The following JARID2 variants were observed in gnomAD, a reference collection of about 807,000 sequenced individuals.
The protein encoded by JARID2 is protein Jumonji.
Under a neutral mutation model 125.6 loss-of-function variants are expected in JARID2, and 21 were observed. The ratio of observed to expected loss-of-function variants is 0.17; its 90% CI spans 0.12 to 0.24. The LOEUF is 0.24. Among genes scored for constraint, JARID2 ranks in the 10% least tolerant of loss-of-function variants. The probability of loss-of-function intolerance (pLI) is 1.00; values close to 1 mark genes in which losing one functional copy is unlikely to be tolerated. For synonymous variants in JARID2, 736 were observed against 661.6 expected (o/e 1.11, Z -1.73); for missense variants, 1,303 against 1,639.6 (o/e 0.79, Z 3.55).
At chr6:15,252,933 G>T (rs529835602) in intron 1 of JARID2, among the ~76,000 whole-genome samples, 1 of 152,124 alleles carries the variant, frequency 6.6e-6, no homozygotes, top group African/African-American at 2.4e-5. Flanking sequence ...TGAGAACTCC[G>T]TGGTATCTGT....
intron 1 of JARID2, among the ~76,000 whole-genome samples, chr6:15,289,194 A>G (rs1185196951): frequency 2.0e-5 from 3 of 152,202 alleles, no homozygotes; most frequent in Non-Finnish European, 4.4e-5. Flanking sequence ...ATCGAGGGAC[A>G]CAAGAATAAT....
chr6:15,251,035 TTTGAGACAGGGTC>T (rs1374994544), intron 1 of JARID2, among the ~76,000 whole-genome samples: 1 of 152,148 alleles, frequency 6.6e-6, no homozygotes, highest in Admixed American at 6.5e-5. Context: ...TCCTTTTTTT[TTTGAGACAGGGTC>T]TTGCTCAGCC....
chr6:15,254,503 T>C (rs111908288), intron 1 of JARID2, among the ~76,000 whole-genome samples: 10 of 152,176 alleles, frequency 6.6e-5, no homozygotes. Context: ...GGGAACATTA[T>C]ACATGATTAC....
rs1036548575 is a variant in JARID2 at position 15,451,882 on chromosome 6, T to C, written c.324-124T>C. 56 of 909,728 alleles carry C rather than the reference T, an allele frequency of 6.2e-5. No individual in the cohort carries two copies. In the African/African-American group the frequency reaches 7.4e-4, roughly 12 times the overall value. The allele number at this position is 909,728 out of a possible 1,614,324, so 56.4% of individuals were successfully genotyped here. On this transcript the variant is annotated intron_variant, in intron 3 of 17. Coordinates refer to ENST00000341776, the MANE Select transcript of JARID2 (RefSeq NM_004973.4). ...AGTGTGAGAGATATAGAACCTTAATTAGGAAGAGTTTGCTTGAAATAGGAT... is the reference window on the plus strand; with the variant it reads ...AGTGTGAGAGATATAGAACCTTAATCAGGAAGAGTTTGCTTGAAATAGGAT...
intron 2 of JARID2, among the ~76,000 whole-genome samples, chr6:15,384,559 T>G (rs1340682174): frequency 6.6e-6 from 1 of 152,094 alleles, no homozygotes; most frequent in African/African-American, 2.4e-5. Flanking sequence ...TTTTCAGATT[T>G]TTGCATTTAG....
At chr6:15,329,191 T>TGG (rs11330465) in intron 1 of JARID2, among the ~76,000 whole-genome samples, 1 of 147,130 alleles carries the variant, frequency 6.8e-6, no homozygotes, top group African/African-American at 2.5e-5. Flanking sequence ...TTTTTTTTTT[T>TGG]GGGGGATTAT....
At chr6:15,263,074 T>TTC (rs768588943) in intron 1 of JARID2, among the ~76,000 whole-genome samples, 7 of 139,720 alleles carry the variant, frequency 5.0e-5, no homozygotes, top group Non-Finnish European at 1.1e-4. Flanking sequence ...GGGTGTGTGT[T>TTC]TGTGTGTGTG....
intron 14 of JARID2, among the ~76,000 whole-genome samples, chr6:15,512,692 G>T (rs765142833): frequency 2.0e-5 from 3 of 152,084 alleles, no homozygotes; most frequent in Non-Finnish European, 4.4e-5. Flanking sequence ...TCCACCCATC[G>T]TGAGGGAGTG....
At chr6:15,405,886 C>T (rs914897318) in intron 2 of JARID2, among the ~76,000 whole-genome samples, 1 of 152,174 alleles carries the variant, frequency 6.6e-6, no homozygotes, top group Non-Finnish European at 1.5e-5. Flanking sequence ...CCTGGCCCTC[C>T]TGGATTGGGC....
At chr6:15,257,832 A>G (rs551124801) in intron 1 of JARID2, among the ~76,000 whole-genome samples, 105 of 152,204 alleles carry the variant, frequency 6.9e-4, no homozygotes, top group Non-Finnish European at 1.1e-3. Flanking sequence ...TTAAGTTTCT[A>G]TTTTCTTCCT....
intron 7 of JARID2, among the ~76,000 whole-genome samples, chr6:15,500,679 A>G (rs945331631): frequency 6.6e-6 from 1 of 151,870 alleles, no homozygotes; most frequent in Non-Finnish European, 1.5e-5. Context: ...CCCACCTAAA[A>G]TGGTAGTCCC....
At chr6:15,433,611 T>C (rs1312276190) in intron 3 of JARID2, among the ~76,000 whole-genome samples, 1 of 152,166 alleles carries the variant, frequency 6.6e-6, no homozygotes, top group Non-Finnish European at 1.5e-5. Context: ...CTGGCTTTAA[T>C]TTTATATTCA....
intron 1 of JARID2, among the ~76,000 whole-genome samples, chr6:15,326,417 T>C (rs554320094): frequency 1.4e-4 from 21 of 152,336 alleles, no homozygotes; most frequent in African/African-American, 4.6e-4. Flanking sequence ...GCTCAGGCTG[T>C]CCTTGAAGTC....
At chr6:15,269,248 C>T (rs1760203671) in intron 1 of JARID2, among the ~76,000 whole-genome samples, 3 of 152,174 alleles carry the variant, frequency 2.0e-5, no homozygotes, top group Admixed American at 6.5e-5. Flanking sequence ...GTCCCTAGAC[C>T]AGGCCACTGG....
At chr6:15,365,107 A>C (rs1327044342) in intron 1 of JARID2, among the ~76,000 whole-genome samples, 1 of 152,194 alleles carries the variant, frequency 6.6e-6, no homozygotes, top group African/African-American at 2.4e-5. Flanking sequence ...TAGTAACATA[A>C]ATTCCCAAAG....
intron 1 of JARID2, among the ~76,000 whole-genome samples, chr6:15,331,150 T>C (rs1183873513): frequency 6.6e-6 from 1 of 151,554 alleles, no homozygotes; most frequent in African/African-American, 2.4e-5. Flanking sequence ...CTGGGTGATA[T>C]GGCAAAATCC....
intron 12 of JARID2, chr6:15,509,153 TC>T (rs1239187842): frequency 1.6e-6 from 2 of 1,284,068 alleles, no homozygotes; most frequent in Non-Finnish European, 2.0e-6. Context: ...TGAGGCTGGG[TC>T]CCCGCCTGTA....
At chr6:15,468,988 G>C (rs960211928) in intron 5 of JARID2, among the ~76,000 whole-genome samples, 7 of 152,136 alleles carry the variant, frequency 4.6e-5, no homozygotes, top group African/African-American at 1.7e-4. Context: ...GAAAAGACCA[G>C]ATCTACATGG....
At chr6:15,435,209 A>G (rs1458333089) in intron 3 of JARID2, among the ~76,000 whole-genome samples, 1 of 152,032 alleles carries the variant, frequency 6.6e-6, no homozygotes, top group East Asian at 1.9e-4. Flanking sequence ...TTTGAGGGGG[A>G]ATTCATTGAG....
Sources: allele counts gnomAD v4.1 joint callset (sites outside exome capture counted in the v4.1 genomes callset), GRCh38; gene constraint gnomAD v4.1.1; transcripts MANE v1.5; gene names NCBI Gene and HGNC (gene_info 2026-07-23, HGNC 2026-07-21).